The following TMED3 variants were observed in gnomAD, a reference collection of about 807,000 sequenced individuals.
TMED3 encodes transmembrane emp24 domain-containing protein 3.
TMED3 carries 9 observed loss-of-function variants against 15.0 expected under a neutral mutation model. The observed-to-expected ratio is 0.60, with a 90% CI of 0.36 to 1.04. The LOEUF (loss-of-function observed/expected upper bound fraction) is 1.04, where lower values mean the gene tolerates loss of function less well. Ranked by LOEUF, TMED3 falls within the 50% of genes least tolerant of loss-of-function variation. The probability of loss-of-function intolerance (pLI) is 0.01; values close to 1 mark genes in which losing one functional copy is unlikely to be tolerated. For synonymous variants in TMED3, 117 were observed against 121.4 expected (o/e 0.96, Z 0.24); for missense variants, 267 against 278.9 (o/e 0.96, Z 0.30).
At chr15:79,390,038 T>C (rs1180049040) in intron 2 of TMED3, among the ~76,000 whole-genome samples, 4 of 152,102 alleles carry the variant, frequency 2.6e-5, no homozygotes, top group African/African-American at 9.7e-5. Flanking sequence ...CAGCAAACAG[T>C]GACAGTTTGA....
chr15:79,352,917 TA>T (rs1326296455), intron 2 of TMED3, among the ~76,000 whole-genome samples: 2 of 122,444 alleles, frequency 1.6e-5, no homozygotes, highest in Non-Finnish European at 3.2e-5. Flanking sequence ...ATAATATATA[TA>T]AAATATATAT....
At chr15:79,410,077 C>T (rs764323112) in intron 2 of TMED3, among the ~76,000 whole-genome samples, 5 of 152,108 alleles carry the variant, frequency 3.3e-5, no homozygotes, top group Non-Finnish European at 7.3e-5. Context: ...ACGCCGCACA[C>T]ATATGCCACC....
At chr15:79,391,424 G>T (rs1245532263) in intron 2 of TMED3, among the ~76,000 whole-genome samples, 1 of 152,006 alleles carries the variant, frequency 6.6e-6, no homozygotes, top group East Asian at 1.9e-4. Flanking sequence ...TTCCACTGTG[G>T]TCTGAGAGCA....
intron 2 of TMED3, among the ~76,000 whole-genome samples, chr15:79,357,841 T>C (rs1034673842): frequency 6.6e-6 from 1 of 152,190 alleles, no homozygotes; most frequent in Non-Finnish European, 1.5e-5. Context: ...CTTTCCCATC[T>C]GGGAAGTTAA....
intron 2 of TMED3, among the ~76,000 whole-genome samples, chr15:79,354,554 A>G (rs889805719): frequency 1.1e-4 from 16 of 151,868 alleles, no homozygotes; most frequent in African/African-American, 3.1e-4. Flanking sequence ...AGAGCAAACA[A>G]TTTGGACTCT....
At chr15:79,342,282 TAAAC>T (rs147132537) in intron 2 of TMED3, among the ~76,000 whole-genome samples, 45,290 of 151,682 alleles carry the variant, frequency 0.3, 6,863 homozygotes, top group African/African-American at 0.36. Flanking sequence ...GTATGCAACA[TAAAC>T]AAGATGTTGT....
chr15:79,364,181 T>G (rs62025981), intron 2 of TMED3, among the ~76,000 whole-genome samples: 16,923 of 152,148 alleles, frequency 0.11, 1,327 homozygotes, highest in East Asian at 0.4. Flanking sequence ...GCTTTTTATA[T>G]AGAAGCTGAT....
chr15:79,316,214 C>G (rs998538665), intron 2 of TMED3, among the ~76,000 whole-genome samples: 5 of 152,188 alleles, frequency 3.3e-5, no homozygotes, highest in African/African-American at 1.2e-4. Context: ...CCATAGTGAC[C>G]AGGGCCCAGG....
chr15:79,345,863 T>A (rs1350925408), intron 2 of TMED3, among the ~76,000 whole-genome samples: 4 of 152,222 alleles, frequency 2.6e-5, no homozygotes, highest in African/African-American at 9.6e-5. Context: ...TAAGATGACA[T>A]CTTCTCATGG....
At chr15:79,379,931 A>C (rs1327696917) in intron 2 of TMED3, among the ~76,000 whole-genome samples, 1 of 152,236 alleles carries the variant, frequency 6.6e-6, no homozygotes, top group Non-Finnish European at 1.5e-5. Context: ...TTTTAACTAT[A>C]TTATTGAATG....
intron 2 of TMED3, among the ~76,000 whole-genome samples, chr15:79,352,687 T>A (rs924039235): frequency 4.8e-5 from 7 of 145,764 alleles, no homozygotes; most frequent in African/African-American, 1.8e-4. Context: ...TATATATATA[T>A]GTAACTGAAT....
intron 2 of TMED3, among the ~76,000 whole-genome samples, chr15:79,362,672 A>G (rs1438899066): frequency 6.6e-6 from 1 of 152,114 alleles, no homozygotes; most frequent in Non-Finnish European, 1.5e-5. Flanking sequence ...TGCTGTCCTC[A>G]TGATAGTGAT....
intron 2 of TMED3, among the ~76,000 whole-genome samples, chr15:79,407,586 C>T (rs1893917875): frequency 6.6e-6 from 1 of 152,136 alleles, no homozygotes; most frequent in South Asian, 2.1e-4. Context: ...CAAGGGTTGG[C>T]CAACTATACA....
chr15:79,399,900 C>T (rs1003841120), intron 2 of TMED3, among the ~76,000 whole-genome samples: 1 of 152,182 alleles, frequency 6.6e-6, no homozygotes, highest in South Asian at 2.1e-4. Context: ...GGGCCTCTTC[C>T]TCTCCGTGAG....
At chr15:79,387,000 C>A (rs971459161) in intron 2 of TMED3, among the ~76,000 whole-genome samples, 9 of 149,678 alleles carry the variant, frequency 6.0e-5, no homozygotes, top group Non-Finnish European at 1.3e-4. Flanking sequence ...GGCACCCAGG[C>A]TCACTGCAGC....
At chr15:79,351,219 A>G (rs1166061497) in intron 2 of TMED3, among the ~76,000 whole-genome samples, 1 of 152,230 alleles carries the variant, frequency 6.6e-6, no homozygotes, top group Non-Finnish European at 1.5e-5. Flanking sequence ...GACCATGGGC[A>G]AGCCACTTGT....
At chr15:79,403,947 A>G (rs1488913094) in intron 2 of TMED3, among the ~76,000 whole-genome samples, 1 of 152,238 alleles carries the variant, frequency 6.6e-6, no homozygotes, top group African/African-American at 2.4e-5. Context: ...TCTGGAGGAA[A>G]GAGCCCCAGT....
At chr15:79,386,809 A>C (rs1893633119) in intron 2 of TMED3, among the ~76,000 whole-genome samples, 2 of 151,258 alleles carry the variant, frequency 1.3e-5, no homozygotes, top group South Asian at 4.2e-4. Flanking sequence ...AGCCTCCCAA[A>C]GTGCTGGGAT....
intron 2 of TMED3, among the ~76,000 whole-genome samples, chr15:79,353,123 T>C (rs1457543707): frequency 4.9e-5 from 4 of 81,364 alleles, no homozygotes; most frequent in African/African-American, 2.3e-4. Context: ...ATATATATAA[T>C]ATATATAAAA....
Sources: allele counts gnomAD v4.1 joint callset (sites outside exome capture counted in the v4.1 genomes callset), GRCh38; gene constraint gnomAD v4.1.1; transcripts MANE v1.5; gene names NCBI Gene and HGNC (gene_info 2026-07-23, HGNC 2026-07-21).